FBXL7: variants seen among roughly 807,000 people sequenced by gnomAD.
FBXL7 encodes F-box and leucine rich repeat protein 7.
A neutral mutation model predicts 38.3 loss-of-function variants in FBXL7; 12 were observed. The ratio of observed to expected loss-of-function variants is 0.31; its 90% CI spans 0.20 to 0.51. The LOEUF (loss-of-function observed/expected upper bound fraction) is 0.51. FBXL7 is among the 20% of genes least tolerant of loss of function. The probability of loss-of-function intolerance (pLI) is 0.98; values close to 1 mark genes in which losing one functional copy is unlikely to be tolerated. For synonymous variants in FBXL7, 297 were observed against 300.9 expected, an observed-to-expected ratio of 0.99 and a Z score of 0.13; for missense variants, 567 against 676.4, an observed-to-expected ratio of 0.84 and a Z score of 1.79.
chr5:15,769,589 G>T (rs1464640144), intron 2 of FBXL7, among the ~76,000 whole-genome samples: 1 of 152,114 alleles, frequency 6.6e-6, no homozygotes, highest in South Asian at 2.1e-4. Context: ...AAATGCACAC[G>T]CAAAATACTA....
chr5:15,890,593 G>T (rs187648999), intron 2 of FBXL7, among the ~76,000 whole-genome samples: 3 of 152,132 alleles, frequency 2.0e-5, no homozygotes, highest in African/African-American at 7.2e-5. Context: ...CGCATGCAAC[G>T]GACCTAGGTT....
At chr5:15,614,522 G>A (rs747599637) in intron 1 of FBXL7, among the ~76,000 whole-genome samples, 3 of 152,032 alleles carry the variant, frequency 2.0e-5, no homozygotes, top group Non-Finnish European at 4.4e-5. Flanking sequence ...CATGTGCCTC[G>A]GTCTCCCAAA....
At chr5:15,535,541 GC>G (rs916593399) in intron 1 of FBXL7, among the ~76,000 whole-genome samples, 1 of 152,314 alleles carries the variant, frequency 6.6e-6, no homozygotes, top group African/African-American at 2.4e-5. Flanking sequence ...GCAGCATTTT[GC>G]CCTGGCGCTA....
At chr5:15,667,947 A>G (rs1166877333) in intron 2 of FBXL7, among the ~76,000 whole-genome samples, 2 of 152,190 alleles carry the variant, frequency 1.3e-5, no homozygotes, top group Non-Finnish European at 2.9e-5. Flanking sequence ...TGCATCTTAG[A>G]AATGTTGACA....
Position 15,928,570 on chromosome 5 carries a change from C to A in FBXL7, c.739+69C>A. On this transcript the variant is annotated intron_variant, in intron 3 of 3. Coordinates refer to ENST00000504595, the MANE Select transcript of FBXL7 (RefSeq NM_012304.5). The surrounding 1 kb of genome is among the most constrained non-coding windows in gnomAD (Gnocchi z 4.0). ...CCATCCTAAAACAGTGGGGACAGTG[C>A]CACCACCGGAGGGTCCTCTTCTTGC... 1 of 1,531,562 alleles carries A rather than the reference C, an allele frequency of 6.5e-7. No individual in the cohort carries two copies. The highest frequency in any genetic ancestry group is 8.8e-7 in the Non-Finnish European group (1 of 1,137,738). The allele number at this position is 1,531,562 out of a possible 1,614,324, so 94.9% of individuals were successfully genotyped here.
chr5:15,597,645 G>A (rs1484262132), intron 1 of FBXL7, among the ~76,000 whole-genome samples: 2 of 146,702 alleles, frequency 1.4e-5, no homozygotes, highest in Non-Finnish European at 1.5e-5. Flanking sequence ...TGTGTAGATT[G>A]AAAGCTTCAA....
intron 2 of FBXL7, among the ~76,000 whole-genome samples, chr5:15,843,173 C>T (rs897868912): frequency 6.6e-6 from 1 of 152,102 alleles, no homozygotes; most frequent in Non-Finnish European, 1.5e-5. Flanking sequence ...TTTGTATATG[C>T]TAATATAAAA....
chr5:15,926,412 A>G (rs1396755784), intron 2 of FBXL7, among the ~76,000 whole-genome samples: 1 of 148,312 alleles, frequency 6.7e-6, no homozygotes, highest in East Asian at 1.9e-4. Context: ...TTTATATTAT[A>G]TTGGATCTAA....
chr5:15,669,021 T>TCTG (rs1015954953), intron 2 of FBXL7, among the ~76,000 whole-genome samples: 3 of 152,022 alleles, frequency 2.0e-5, no homozygotes, highest in East Asian at 1.9e-4. Flanking sequence ...CCTTATTGTT[T>TCTG]CTGCTGCTGC....
chr5:15,917,686 G>A (rs567403791), intron 2 of FBXL7, among the ~76,000 whole-genome samples: 1 of 148,418 alleles, frequency 6.7e-6, no homozygotes, highest in Non-Finnish European at 1.5e-5. Context: ...AGGAAGGAAG[G>A]AAGGAAGGAA....
At chr5:15,708,316 C>A (rs953689937) in intron 2 of FBXL7, among the ~76,000 whole-genome samples, 4 of 152,220 alleles carry the variant, frequency 2.6e-5, no homozygotes, top group Non-Finnish European at 5.9e-5. Context: ...GGGTCTCTCA[C>A]TGGGTTCCCA....
At chr5:15,557,440 A>G (rs549228072) in intron 1 of FBXL7, among the ~76,000 whole-genome samples, 2 of 152,332 alleles carry the variant, frequency 1.3e-5, no homozygotes, top group South Asian at 4.1e-4. Context: ...ATATAATTAT[A>G]TTTAAAGTGA....
chr5:15,541,069 T>C (rs958348067), intron 1 of FBXL7, among the ~76,000 whole-genome samples: 3 of 151,036 alleles, frequency 2.0e-5, no homozygotes, highest in East Asian at 1.9e-4. Flanking sequence ...TGTGTGTGTG[T>C]GCATATATGT....
chr5:15,725,918 C>T (rs545948681), intron 2 of FBXL7, among the ~76,000 whole-genome samples: 10 of 152,256 alleles, frequency 6.6e-5, no homozygotes, highest in African/African-American at 2.4e-4. Flanking sequence ...TCTCTATTTA[C>T]TGACTTATCC....
intron 2 of FBXL7, among the ~76,000 whole-genome samples, chr5:15,701,695 A>G (rs540934811): frequency 6.6e-6 from 1 of 152,350 alleles, no homozygotes; most frequent in South Asian, 2.1e-4. Flanking sequence ...CATGCAATAA[A>G]AAAATGCATG....
At chr5:15,541,587 C>T (rs555541789) in intron 1 of FBXL7, among the ~76,000 whole-genome samples, 1 of 143,060 alleles carries the variant, frequency 7.0e-6, no homozygotes, top group Admixed American at 7.0e-5. Flanking sequence ...CTCCGTTTTC[C>T]AGGCTGAAGT....
chr5:15,772,818 G>A (rs139115042), intron 2 of FBXL7, among the ~76,000 whole-genome samples: 4 of 151,846 alleles, frequency 2.6e-5, no homozygotes, highest in Non-Finnish European at 5.9e-5. Context: ...TCTACCTATA[G>A]CTTGACATAC....
intron 2 of FBXL7, among the ~76,000 whole-genome samples, chr5:15,656,643 G>A (rs1415925861): frequency 6.6e-6 from 1 of 152,052 alleles, no homozygotes; most frequent in Non-Finnish European, 1.5e-5. Context: ...TGATTTGGGT[G>A]GGGACGCAGA....
rs554553088 is a variant in FBXL7 at position 15,658,703 on chromosome 5, A to G, written c.127+42631A>G. 2.6e-5 allele frequency among the ~76,000 whole-genome samples: 4 copies of G among 152,224 alleles called. No individual in the cohort carries two copies. In the South Asian group the frequency reaches 8.3e-4, roughly 32 times the overall value. The stretch of plus-strand genomic sequence containing the variant: ...GTGATCGATTGAGCAAGCAGGGGGT[A>G]TGTGACTGGGGGCTGCATGCACCGG... On this transcript the variant is annotated intron_variant, in intron 2 of 3. Transcript: ENST00000504595.
Sources: gnomAD v4.1 joint callset for allele counts (sites outside exome capture counted in the v4.1 genomes callset) on GRCh38, gnomAD v4.1.1 for gene constraint, Gnocchi (gnomAD v3.1) non-coding constraint, MANE v1.5 for transcripts, NCBI Gene and HGNC (gene_info 2026-07-23, HGNC 2026-07-21) for gene names.